The following CFAP221 variants were observed in gnomAD, a reference collection of about 807,000 sequenced individuals.
CFAP221 encodes the protein cilia and flagella associated protein 221, also known as cilia- and flagella-associated protein 221.
In CFAP221, 97 loss-of-function variants were observed where a neutral mutation model predicts 113.1. That is an observed-to-expected ratio of 0.86 (90% confidence interval 0.73 to 1.02). The LOEUF (loss-of-function observed/expected upper bound fraction) is 1.02. CFAP221 is among the 50% of genes least tolerant of loss of function. The pLI is 0.00. For synonymous variants in CFAP221, 331 were observed against 354.4 expected (o/e 0.93, Z 0.74); for missense variants, 1,025 against 1,013.4 (o/e 1.01, Z -0.16).
At chr2:119,546,305 C>T in intron 2 of CFAP221, 35 bp downstream of exon 2, 1 of 1,525,120 alleles carries the variant, frequency 6.6e-7, no homozygotes. Flanking sequence ...CTTTACAGCT[C>T]ACATCTTCCC....
rs777051013 is a variant in CFAP221, at chr2:119,604,779, C to T, written c.899C>T (p.Pro300Leu). 3.9e-6 allele frequency: 6 copies of T among 1,550,502 alleles called. No homozygotes were observed. The African/African-American group carries it at 6.9e-5, about 18-fold the overall frequency. Residue 300 changes from proline (P) to leucine (L), a missense_variant, in exon 9 of 24, where the codon CCT (proline) becomes CTT (leucine). By Grantham distance (98) the Pro-to-Leu change is moderately conservative. Coordinates refer to ENST00000413369, the MANE Select transcript of CFAP221 (RefSeq NM_001271049.2). ...CACCGACCGCCAGCGAAGCCGAAGCCTCAGAAGGTGAAGGTACGGTGGGCC... is the reference window on the plus strand; with the variant it reads ...CACCGACCGCCAGCGAAGCCGAAGCTTCAGAAGGTGAAGGTACGGTGGGCC... Reference protein sequence around the residue: ...NFHRPPAKPKPQKVKEIEYQN... With the variant: ...NFHRPPAKPKLQKVKEIEYQN...
Position 119,561,997 on chromosome 2 carries a change from T to G in CFAP221, c.427-17T>G. The G allele has an allele frequency of 6.6e-7, 1 of 1,510,270 alleles. No homozygotes were observed. The highest frequency in any genetic ancestry group is 8.9e-7 in the Non-Finnish European group (1 of 1,126,384). 93.6% of individuals were successfully genotyped at this position (1,510,270 alleles called of 1,614,324 possible). On this transcript the variant is annotated splice_polypyrimidine_tract_variant and intron_variant, in intron 5 of 23. Coordinates refer to ENST00000413369, the MANE Select transcript of CFAP221 (RefSeq NM_001271049.2). Reference sequence around the variant, plus strand: ...GTCTTCAGAATGTTAAACTTGACTTTTTCTGGTTAATTTTAGGGAGATGAC... The same window carrying G: ...GTCTTCAGAATGTTAAACTTGACTTGTTCTGGTTAATTTTAGGGAGATGAC...
intron 23 of CFAP221, among the ~76,000 whole-genome samples, chr2:119,655,372 A>G (rs1050276393): frequency 2.6e-5 from 4 of 152,174 alleles, no homozygotes; most frequent in East Asian, 1.9e-4. Flanking sequence ...GACAGGATCT[A>G]TATATTTTTA....
intron 3 of CFAP221, among the ~76,000 whole-genome samples, chr2:119,559,063 G>A (rs991975356): frequency 1.3e-5 from 2 of 152,148 alleles, no homozygotes; most frequent in Non-Finnish European, 2.9e-5. Flanking sequence ...CAAAATTCTT[G>A]TGTCCCTTTC....
rs538419791 is a variant in CFAP221, at chr2:119,546,500, G to A, written c.139+230G>A. Among the ~76,000 whole-genome samples the A allele has an allele frequency of 5.9e-5, 9 of 152,158 alleles. No individual in the cohort carries two copies. In the South Asian group the frequency reaches 1.9e-3, roughly 32 times the overall value. On this transcript the variant is annotated intron_variant, in intron 2 of 23. Transcript: ENST00000413369. Reference sequence around the variant, plus strand: ...TTCTGTTGCTTCTACTTCTTCTAATGTCTTTCCTATCTGCTCCCCTTATCT... The same window carrying A: ...TTCTGTTGCTTCTACTTCTTCTAATATCTTTCCTATCTGCTCCCCTTATCT...
At chr2:119,560,088 T>C (rs1681133333) in intron 5 of CFAP221, 62 bp downstream of exon 5, 1 of 1,249,048 alleles carries the variant, frequency 8.0e-7, no homozygotes, top group Non-Finnish European at 1.1e-6. Context: ...AAACTTACAT[T>C]CTCAATGGTG....
chr2:119,577,382 T>G (rs1037202265), intron 6 of CFAP221, among the ~76,000 whole-genome samples: 2 of 152,212 alleles, frequency 1.3e-5, no homozygotes, highest in Non-Finnish European at 2.9e-5. Flanking sequence ...TTTTTGATGG[T>G]TGCTTATTAG....
Position 119,546,270 on chromosome 2 carries a change from A to G in CFAP221, c.139A>G (p.Lys47Glu). 1 of 1,533,582 alleles carries G rather than the reference A, an allele frequency of 6.5e-7. No homozygotes were observed. Among genetic ancestry groups the G allele is most frequent in the South Asian group, 1.2e-5 (1 of 83,442 alleles). The allele number at this position is 1,533,582 out of a possible 1,614,324, so 95.0% of individuals were successfully genotyped here. A position where few individuals can be genotyped will look rare whatever the true frequency, so the allele number is the denominator to read the frequency against. ...AGTACCTAATCACCTCCTAGAATCA[A>G]GTAAGTGGCTAGAAGACAGATTTGC... The part of the protein sequence containing the change: ...KEVPNHLLES[K>E]VYAKLVNNKV... The change falls in exon 2 of 24, where the codon AAG becomes GAG. Residue 47 changes from lysine (K) to glutamate (E), a missense_variant and splice_region_variant. Physicochemically the swap from Lys to Glu is moderately conservative, Grantham distance 56. Transcript: ENST00000413369.
chr2:119,546,570 A>C (rs2104999661), intron 2 of CFAP221, among the ~76,000 whole-genome samples: 1 of 151,996 alleles, frequency 6.6e-6, no homozygotes, highest in African/African-American at 2.4e-5. Context: ...CCCCCACCAC[A>C]TTCTCCTCCT....
At chr2:119,590,685 T>C (rs974581084) in intron 7 of CFAP221, among the ~76,000 whole-genome samples, 2 of 152,242 alleles carry the variant, frequency 1.3e-5, no homozygotes, top group Admixed American at 1.3e-4. Context: ...AAAGGCCCCT[T>C]GGCCCCTGGC....
intron 7 of CFAP221, among the ~76,000 whole-genome samples, chr2:119,587,605 G>C (rs1047709222): frequency 6.6e-6 from 1 of 152,166 alleles, no homozygotes; most frequent in Non-Finnish European, 1.5e-5. Context: ...GGTGTAGACA[G>C]TATGTTTTTG....
At chr2:119,559,103 A>G (rs1249114183) in intron 3 of CFAP221, among the ~76,000 whole-genome samples, 1 of 152,212 alleles carries the variant, frequency 6.6e-6, no homozygotes, top group Non-Finnish European at 1.5e-5. Context: ...ACCTTTCCTC[A>G]GAGACCCAGC....
At chr2:119,645,529 A>G (rs1687751263) in intron 21 of CFAP221, among the ~76,000 whole-genome samples, 1 of 151,372 alleles carries the variant, frequency 6.6e-6, no homozygotes, top group Non-Finnish European at 1.5e-5. Flanking sequence ...GTCATTCTAT[A>G]TCAGCTCACA....
intron 7 of CFAP221, among the ~76,000 whole-genome samples, chr2:119,587,734 G>C (rs1480539364): frequency 6.6e-6 from 1 of 152,080 alleles, no homozygotes; most frequent in Non-Finnish European, 1.5e-5. Flanking sequence ...TGGGATTTAA[G>C]TATCTGTCCA....
chr2:119,630,538 T>C, intron 17 of CFAP221, 32 bp from the exon 18 acceptor site: 2 of 1,526,610 alleles, frequency 1.3e-6, no homozygotes, highest in Non-Finnish European at 1.8e-6. Context: ...GTAACAGGTT[T>C]TTAAGGATTT....
chr2:119,555,278 C>T lies in CFAP221; in HGVS notation c.241-4411C>T, dbSNP rs558497218. Among the ~76,000 whole-genome samples the T allele has an allele frequency of 7.4e-4, 112 of 152,202 alleles. 1 individual carries two copies. The highest frequency in any genetic ancestry group is 2.5e-3 in the African/African-American group (103 of 41,530). Reference sequence around the variant, plus strand: ...ACAGCACCAAGGAAACAGGGACCCCCAGGCCAGCAGAAGGTCAGCTCCCAG... The same window carrying T: ...ACAGCACCAAGGAAACAGGGACCCCTAGGCCAGCAGAAGGTCAGCTCCCAG... On this transcript the variant is annotated intron_variant, in intron 3 of 23. Coordinates refer to ENST00000413369, the MANE Select transcript of CFAP221 (RefSeq NM_001271049.2).
At position 119,630,689 on chromosome 2, in the gene CFAP221, C is replaced by T; in HGVS notation, c.1839+12C>T. ...AGCAAGGAGCTGAGGTAACACACCCCCATCTTCCAGAATCTCTCTCATCTT... is the reference window on the plus strand; with the variant it reads ...AGCAAGGAGCTGAGGTAACACACCCTCATCTTCCAGAATCTCTCTCATCTT... On this transcript the variant is annotated intron_variant, in intron 18 of 23. Transcript: ENST00000413369. 6.2e-7 allele frequency: 1 copy of T among 1,607,180 alleles called. No individual in the cohort carries two copies. The highest frequency in any genetic ancestry group is 8.5e-7 in the Non-Finnish European group (1 of 1,173,690).
At position 119,629,909 on chromosome 2, in the gene CFAP221, C is replaced by A; in HGVS notation, c.1685C>A (p.Ser562Tyr). 1 of 1,613,770 alleles carries A rather than the reference C, an allele frequency of 6.2e-7. No homozygotes were observed. The highest frequency in any genetic ancestry group is 1.1e-5 in the South Asian group (1 of 91,022). Residue 562 changes from serine to tyrosine, a missense_variant, in exon 17 of 24, where the codon TCT (serine) becomes TAT (tyrosine). By Grantham distance (144) the Ser-to-Tyr change is moderately radical (BLOSUM62 -2). Transcript: ENST00000413369. ...PDGLGLVPIK[S>Y]SEVQIKQSYS... ...GGCCTTGGACTGGTCCCAATTAAGT[C>A]TTCAGAAGTTCAAATCAAGCAGAGT... is the stretch of plus-strand genomic sequence containing the variant.
chr2:119,641,958 A>G (rs10211335), intron 21 of CFAP221, among the ~76,000 whole-genome samples: 1,822 of 152,320 alleles, frequency 0.012, 40 homozygotes, highest in African/African-American at 0.04. Flanking sequence ...AGAATCAAGA[A>G]AAAGCATCCT....
Sources: gnomAD v4.1 joint callset for allele counts (sites outside exome capture counted in the v4.1 genomes callset) on GRCh38, gnomAD v4.1.1 for gene constraint, MANE v1.5 for transcripts, NCBI Gene and HGNC (gene_info 2026-07-23, HGNC 2026-07-21) for gene names.